The following PALLD variants were observed in gnomAD, a reference collection of about 807,000 sequenced individuals.
PALLD encodes palladin.
PALLD carries 61 observed loss-of-function variants against 123.5 expected under a neutral mutation model. The observed-to-expected ratio is 0.49, with a 90% CI of 0.40 to 0.61. The LOEUF (loss-of-function observed/expected upper bound fraction) is 0.61. PALLD is among the 20% of genes least tolerant of loss of function. The probability of loss-of-function intolerance (pLI) is 0.00; values close to 1 mark genes in which losing one functional copy is unlikely to be tolerated. For missense variants in PALLD, 1,273 were observed against 1,377.0 expected, an observed-to-expected ratio of 0.92 and a Z score of 1.20; for synonymous variants, 465 against 496.4, an observed-to-expected ratio of 0.94 and a Z score of 0.84.
chr4:168,902,443 C>A (rs1251601474), intron 14 of PALLD, among the ~76,000 whole-genome samples: 1 of 152,078 alleles, frequency 6.6e-6, no homozygotes, highest in Non-Finnish European at 1.5e-5. Context: ...TATGATGGGC[C>A]TATCTTTCAA....
chr4:168,809,188 G>A (rs1248311605), intron 10 of PALLD, among the ~76,000 whole-genome samples: 2 of 152,062 alleles, frequency 1.3e-5, no homozygotes, highest in African/African-American at 4.8e-5. Context: ...TCTGTCTCTT[G>A]TTTTCATGAG....
chr4:168,893,788 T>C (rs1435279733), intron 11 of PALLD, among the ~76,000 whole-genome samples: 1 of 152,218 alleles, frequency 6.6e-6, no homozygotes, highest in African/African-American at 2.4e-5. Context: ...GTAAAACGGT[T>C]TGGGCCAATT....
intron 8 of PALLD, among the ~76,000 whole-genome samples, chr4:168,696,457 C>T (rs1581016830): frequency 6.6e-6 from 1 of 151,934 alleles, no homozygotes; most frequent in Non-Finnish European, 1.5e-5. Context: ...CTCTCTTATA[C>T]TCAGAGCTTA....
intron 10 of PALLD, among the ~76,000 whole-genome samples, chr4:168,775,846 T>A (rs556882229): frequency 6.6e-6 from 1 of 152,336 alleles, no homozygotes; most frequent in East Asian, 1.9e-4. Context: ...TGGTTGTCCA[T>A]GTATGTGTGA....
At chr4:168,566,933 A>C (rs1471808000) in intron 2 of PALLD, among the ~76,000 whole-genome samples, 2 of 152,182 alleles carry the variant, frequency 1.3e-5, no homozygotes, top group African/African-American at 4.8e-5. Context: ...GAGATACACC[A>C]GATTGTTCTT....
At chr4:168,848,570 T>C (rs1261513931) in intron 10 of PALLD, among the ~76,000 whole-genome samples, 1 of 152,152 alleles carries the variant, frequency 6.6e-6, no homozygotes, top group African/African-American at 2.4e-5. Context: ...AGGGAGACAC[T>C]ATTAAAAGCA....
At chr4:168,907,696 C>T (rs980484988) in intron 15 of PALLD, among the ~76,000 whole-genome samples, 2 of 152,180 alleles carry the variant, frequency 1.3e-5, no homozygotes, top group African/African-American at 2.4e-5. Flanking sequence ...CCATGGTTAA[C>T]CCTCTCTGGT....
intron 2 of PALLD, among the ~76,000 whole-genome samples, chr4:168,587,034 C>T (rs1770894782): frequency 6.6e-6 from 1 of 152,088 alleles, no homozygotes. Context: ...CGGTTGTCAC[C>T]ACTGGGAGAG....
chr4:168,779,655 G>A (rs1735625267), intron 10 of PALLD, among the ~76,000 whole-genome samples: 1 of 151,914 alleles, frequency 6.6e-6, no homozygotes, highest in South Asian at 2.1e-4. Flanking sequence ...TTTATACTCT[G>A]TCATATTTTT....
chr4:168,813,665 G>C (rs935028219), intron 10 of PALLD, among the ~76,000 whole-genome samples: 1 of 152,120 alleles, frequency 6.6e-6, no homozygotes, highest in South Asian at 2.1e-4. Context: ...TCACTGTGTT[G>C]CCCAGACTGG....
intron 2 of PALLD, chr4:168,598,338 TC>T: frequency 3.8e-6 from 2 of 532,200 alleles, no homozygotes; most frequent in South Asian, 3.2e-5. Context: ...GCTTTGCTAT[TC>T]AAGACTTGCC....
chr4:168,680,324 A>G (rs1027684001), intron 3 of PALLD, among the ~76,000 whole-genome samples: 1 of 151,422 alleles, frequency 6.6e-6, no homozygotes, highest in African/African-American at 2.4e-5. Flanking sequence ...CTAAAAAAAA[A>G]AAAAAATACA....
At chr4:168,743,415 A>ATT (rs552104818) in intron 10 of PALLD, among the ~76,000 whole-genome samples, 1 of 149,312 alleles carries the variant, frequency 6.7e-6, no homozygotes, top group African/African-American at 2.5e-5. Context: ...TACTTTCGAG[A>ATT]TTTTTTTTTT....
intron 4 of PALLD, among the ~76,000 whole-genome samples, chr4:168,682,526 A>G (rs1316206273): frequency 6.6e-6 from 1 of 152,222 alleles, no homozygotes; most frequent in Non-Finnish European, 1.5e-5. Context: ...CAAGATACCG[A>G]CAACAAAATT....
Position 168,925,164 on chromosome 4 carries a change from TTATA to T in PALLD, c.3359-68_3359-65del, listed in dbSNP as rs1762325017. Reference sequence around the variant, plus strand: ...TCTGGACAGCAAATCACATTACTCTTTATAAACAACTATTGTGTTTTATTTGTCA... The same window carrying T: ...TCTGGACAGCAAATCACATTACTCTTAACAACTATTGTGTTTTATTTGTCA... On this transcript the variant is annotated intron_variant, in intron 20 of 21. Transcript: ENST00000505667. The T allele has an allele frequency of 3.8e-6, 6 of 1,585,538 alleles. No homozygotes were observed. In the Admixed American group the frequency reaches 6.7e-5, roughly 18 times the overall value.
At chr4:168,510,240 T>C (rs547558731) in intron 1 of PALLD, among the ~76,000 whole-genome samples, 78 of 152,308 alleles carry the variant, frequency 5.1e-4, no homozygotes, top group African/African-American at 1.9e-3. Context: ...AATATAAAGT[T>C]CAAAATGTCA....
intron 8 of PALLD, among the ~76,000 whole-genome samples, chr4:168,706,606 G>A (rs1011937834): frequency 2.6e-5 from 4 of 152,176 alleles, no homozygotes; most frequent in Non-Finnish European, 5.9e-5. Context: ...CAAGCAGTCT[G>A]TTAACCAGAT....
chr4:168,857,154 TCATGAAC>T (rs1748728051), intron 10 of PALLD, among the ~76,000 whole-genome samples: 1 of 152,240 alleles, frequency 6.6e-6, no homozygotes. Context: ...CTCCATGTTT[TCATGAAC>T]AGTGTGATTG....
At chr4:168,501,652 T>C (rs2712148) in intron 1 of PALLD, among the ~76,000 whole-genome samples, 109,632 of 151,422 alleles carry the variant, frequency 0.72, 40,124 homozygotes, top group African/African-American at 0.83. Flanking sequence ...ATTAGGCACA[T>C]GTTGAAATTC....
Sources: allele counts gnomAD v4.1 joint callset (sites outside exome capture counted in the v4.1 genomes callset), GRCh38; gene constraint gnomAD v4.1.1; transcripts MANE v1.5; gene names NCBI Gene and HGNC (gene_info 2026-07-23, HGNC 2026-07-21).